The following NCOA3 variants were observed in gnomAD, a reference collection of about 807,000 sequenced individuals.
NCOA3 encodes nuclear receptor coactivator 3, also known as CBP-interacting protein.
A neutral mutation model predicts 158.8 loss-of-function variants in NCOA3; 51 were observed. The observed-to-expected ratio is 0.32, with a 90% CI of 0.26 to 0.41. The LOEUF (loss-of-function observed/expected upper bound fraction) is 0.41, where lower values mean the gene tolerates loss of function less well. Among genes scored for constraint, NCOA3 ranks in the 10% least tolerant of loss-of-function variants. The probability of loss-of-function intolerance (pLI) is 1.00; values close to 1 mark genes in which losing one functional copy is unlikely to be tolerated. For synonymous variants in NCOA3, 537 were observed against 592.4 expected (o/e 0.91, Z 1.36); for missense variants, 1,510 against 1,746.6 (o/e 0.86, Z 2.41).
intron 1 of NCOA3, among the ~76,000 whole-genome samples, chr20:47,568,202 A>G (rs2085229651): frequency 1.3e-5 from 2 of 152,184 alleles, no homozygotes; most frequent in Admixed American, 1.3e-4. Flanking sequence ...CAAGTGAGGA[A>G]TGCATTGGGT....
chr20:47,653,179 G>A, intron 22 of NCOA3, 107 bp downstream of exon 22: 2 of 1,350,056 alleles, frequency 1.5e-6, no homozygotes, highest in Non-Finnish European at 2.0e-6. Flanking sequence ...TAACTTGAAT[G>A]TATAACTTAA....
rs34097290 is a variant in NCOA3 at position 47,647,919 on chromosome 20, G to GT, written c.3546+566dup. 2.4e-3 allele frequency among the ~76,000 whole-genome samples: 243 copies of GT among 103,320 alleles called. 2 individuals carry two copies. Among genetic ancestry groups the GT allele is most frequent in the Middle Eastern group, 4.8e-3 (1 of 208 alleles). The allele number at this position is 103,320 out of a possible 152,430, so 67.8% of individuals were successfully genotyped here. On this transcript the variant is annotated intron_variant, in intron 18 of 22. Transcript: ENST00000371998. The stretch of plus-strand genomic sequence containing the variant: ...TTTGTTTGTTTGTTTGTTTTGTTTT[G>GT]TTTTTTTTTTTTTGAGGTGGAGTCT...
intron 1 of NCOA3, among the ~76,000 whole-genome samples, chr20:47,572,615 C>T (rs1044282359): frequency 2.6e-5 from 4 of 152,054 alleles, no homozygotes; most frequent in Admixed American, 6.5e-5. Flanking sequence ...CAGCTCACTG[C>T]GACTTCCACC....
chr20:47,601,964 G>A (rs761974341), intron 2 of NCOA3, among the ~76,000 whole-genome samples: 3 of 152,294 alleles, frequency 2.0e-5, no homozygotes, highest in Middle Eastern at 3.4e-3. Context: ...GTGCACACAT[G>A]CTCAACATAT....
At chr20:47,535,241 T>C (rs902195572) in intron 1 of NCOA3, among the ~76,000 whole-genome samples, 1 of 152,168 alleles carries the variant, frequency 6.6e-6, no homozygotes, top group Non-Finnish European at 1.5e-5. Context: ...AGGGGGAGCA[T>C]GCAGACGGAC....
At chr20:47,558,763 G>A (rs530201449) in intron 1 of NCOA3, among the ~76,000 whole-genome samples, 3 of 149,500 alleles carry the variant, frequency 2.0e-5, no homozygotes, top group Non-Finnish European at 3.0e-5. Context: ...TTGTCTTTTA[G>A]CTCTTACATT....
intron 1 of NCOA3, among the ~76,000 whole-genome samples, chr20:47,505,320 A>G (rs1028263333): frequency 6.6e-6 from 1 of 152,018 alleles, no homozygotes; most frequent in Non-Finnish European, 1.5e-5. Context: ...TTGGCCTCCC[A>G]AAGTGCTGGG....
intron 1 of NCOA3, among the ~76,000 whole-genome samples, chr20:47,531,551 C>A (rs754701571): frequency 6.6e-6 from 1 of 152,192 alleles, no homozygotes; most frequent in African/African-American, 2.4e-5. Flanking sequence ...CTCTTCTGGA[C>A]TGTTGGGCTA....
intron 8 of NCOA3, among the ~76,000 whole-genome samples, chr20:47,632,056 G>T (rs2086426935): frequency 6.6e-6 from 1 of 152,198 alleles, no homozygotes; most frequent in South Asian, 2.1e-4. Context: ...CCACAAGACT[G>T]CCTGTACTTT....
At chr20:47,603,226 G>A (rs1448255353) in intron 2 of NCOA3, among the ~76,000 whole-genome samples, 3 of 152,230 alleles carry the variant, frequency 2.0e-5, no homozygotes, top group Non-Finnish European at 4.4e-5. Flanking sequence ...AAATTCTCCT[G>A]TAGGCACCAA....
chr20:47,552,930 A>ATTT (rs11407921), intron 1 of NCOA3, among the ~76,000 whole-genome samples: 2 of 142,746 alleles, frequency 1.4e-5, no homozygotes, highest in African/African-American at 5.2e-5. Flanking sequence ...ACATGGTTAG[A>ATTT]TTTTTTTTTT....
At chr20:47,586,863 A>T (rs963065116) in intron 2 of NCOA3, among the ~76,000 whole-genome samples, 1 of 152,216 alleles carries the variant, frequency 6.6e-6, no homozygotes, top group African/African-American at 2.4e-5. Flanking sequence ...ATACTCTGAG[A>T]TGGAGTCATA....
At chr20:47,607,708 A>T (rs547166626) in intron 2 of NCOA3, among the ~76,000 whole-genome samples, 1 of 152,342 alleles carries the variant, frequency 6.6e-6, no homozygotes, top group East Asian at 1.9e-4. Flanking sequence ...TCTCTCCTAT[A>T]AAACTCACCT....
At chr20:47,615,869 T>C (rs1048896131) in intron 2 of NCOA3, among the ~76,000 whole-genome samples, 2 of 152,146 alleles carry the variant, frequency 1.3e-5, no homozygotes, top group Admixed American at 6.5e-5. Flanking sequence ...TACATTAAAG[T>C]AATTGTGACG....
intron 1 of NCOA3, among the ~76,000 whole-genome samples, chr20:47,570,079 T>C (rs1961803392): frequency 6.6e-6 from 1 of 152,230 alleles, no homozygotes; most frequent in Non-Finnish European, 1.5e-5. Flanking sequence ...TCTAAGTCTT[T>C]TTTTATGATT....
At chr20:47,652,296 T>G (rs1185888044) in intron 20 of NCOA3, 110 bp from the exon 21 acceptor site, 16 of 837,420 alleles carry the variant, frequency 1.9e-5, no homozygotes, top group Admixed American at 2.7e-5. Flanking sequence ...ACTTATCACT[T>G]CCCTCCACCC....
In NCOA3 at chr20:47,655,808, C is replaced by G. The variant is rs533048404; in HGVS notation, c.*2391C>G. ...ATAAATTTTTTTGCAATCCTTTCCT[C>G]AGACCTGGCTCCAGGCTAACTGGAA... On this transcript the variant is annotated 3_prime_UTR_variant, in exon 23 of 23. Coordinates refer to ENST00000371998, the MANE Select transcript of NCOA3 (RefSeq NM_181659.3). The G allele has an allele frequency of 6.6e-6, 1 of 152,454 alleles. No individual in the cohort carries two copies. Among genetic ancestry groups the G allele is most frequent in the African/African-American group, 2.4e-5 (1 of 41,420 alleles). 9.4% of individuals were successfully genotyped at this position (152,454 alleles called of 1,614,324 possible).
At chr20:47,640,198 CTG>C (rs1188110332) in intron 16 of NCOA3, 147 bp downstream of exon 16, 7 of 1,071,788 alleles carry the variant, frequency 6.5e-6, no homozygotes, top group Non-Finnish European at 9.5e-6. Flanking sequence ...TCGTGTAACT[CTG>C]TGTAAAAATG....
At chr20:47,612,222 G>A (rs1346039013) in intron 2 of NCOA3, among the ~76,000 whole-genome samples, 2 of 152,096 alleles carry the variant, frequency 1.3e-5, no homozygotes, top group Non-Finnish European at 2.9e-5. Flanking sequence ...GAAAGCAAAG[G>A]AGAACTGGAG....
Sources: allele counts gnomAD v4.1 joint callset (sites outside exome capture counted in the v4.1 genomes callset), GRCh38; gene constraint gnomAD v4.1.1; transcripts MANE v1.5; gene names NCBI Gene and HGNC (gene_info 2026-07-23, HGNC 2026-07-21).